The following SLC25A47 variants were observed in gnomAD, a reference collection of about 807,000 sequenced individuals.
SLC25A47 encodes the protein HCC-down-regulated mitochondrial carrier protein.
A neutral mutation model predicts 29.8 loss-of-function variants in SLC25A47; 30 were observed. That is an observed-to-expected ratio of 1.01 (90% confidence interval 0.75 to 1.36). The LOEUF is 1.36. Among genes scored for constraint, SLC25A47 ranks in the 40% most tolerant of loss-of-function variants. The pLI, the probability that SLC25A47 is intolerant of heterozygous loss-of-function variation, is 0.00. For synonymous variants in SLC25A47, 204 were observed against 197.8 expected (o/e 1.03, Z -0.26); for missense variants, 430 against 441.9 (o/e 0.97, Z 0.24).
Position 100,327,218 on chromosome 14 carries a change from C to G in SLC25A47, c.175C>G (p.Pro59Ala). 6.2e-7 allele frequency: 1 copy of G among 1,609,214 alleles called. No individual in the cohort carries two copies. The highest frequency in any genetic ancestry group is 8.5e-7 in the Non-Finnish European group (1 of 1,179,368). ...VWGFYRGLSLPVCTVSLVSSV... is the reference protein window; with the variant it reads ...VWGFYRGLSLAVCTVSLVSSV... Reference sequence around the variant, plus strand: ...GGGCTTCTACCGGGGCCTCTCGCTGCCCGTGTGCACGGTGTCCCTGGTATC... The same window carrying G: ...GGGCTTCTACCGGGGCCTCTCGCTGGCCGTGTGCACGGTGTCCCTGGTATC... The change falls in exon 4 of 6, where the codon CCC becomes GCC. Residue 59 changes from proline (P) to alanine (A), a missense_variant. Coordinates refer to ENST00000361529, the MANE Select transcript of SLC25A47 (RefSeq NM_207117.4).
At position 100,329,927 on chromosome 14, in the gene SLC25A47, C is replaced by T. The variant is rs926934791; in HGVS notation, c.*282C>T. ...ATGAGAGCGTTGAGTTGCATGGAGTCGGTTGTTCATCCCAGCCTCCCCATG... is the reference window on the plus strand; with the variant it reads ...ATGAGAGCGTTGAGTTGCATGGAGTTGGTTGTTCATCCCAGCCTCCCCATG... On this transcript the variant is annotated 3_prime_UTR_variant, in exon 6 of 6. Coordinates refer to ENST00000361529, the MANE Select transcript of SLC25A47 (RefSeq NM_207117.4). The T allele has an allele frequency of 1.0e-5, 5 of 489,234 alleles. No homozygotes were observed. The highest frequency in any genetic ancestry group is 7.7e-5 in the African/African-American group (4 of 51,710). The allele number at this position is 489,234 out of a possible 1,614,324, so 30.3% of individuals were successfully genotyped here. A position where few individuals can be genotyped will look rare whatever the true frequency, so the allele number is the denominator to read the frequency against.
At chr14:100,327,849 G>A (rs565841807) in intron 4 of SLC25A47, among the ~76,000 whole-genome samples, 14 of 152,360 alleles carry the variant, frequency 9.2e-5, no homozygotes, top group Admixed American at 3.9e-4. Context: ...TTCGCACTTG[G>A]TGACAGCACG....
In SLC25A47 at chr14:100,323,438, C is replaced by G. The variant is rs774802250; in HGVS notation, c.24C>G (p.Ile8Met). 6.2e-7 allele frequency: 1 copy of G among 1,613,780 alleles called. No individual in the cohort carries two copies. The highest frequency in any genetic ancestry group is 2.2e-5 in the East Asian group (1 of 44,868). The change falls in exon 1 of 6, where the codon ATC (isoleucine) becomes ATG (methionine). Residue 8 changes from isoleucine to methionine, a missense_variant. Physicochemically the swap from Ile to Met is conservative, Grantham distance 10 (BLOSUM62 1). Transcript: ENST00000361529. Reference sequence around the variant, plus strand: ...TCATGGATTTTGTCGCTGGAGCCATCGGAGGTAACAGACAGGATGGTGGGC... The same window carrying G: ...TCATGGATTTTGTCGCTGGAGCCATGGGAGGTAACAGACAGGATGGTGGGC... Reference protein sequence around the residue: MDFVAGAIGGVCGVAVGY... With the variant: MDFVAGAMGGVCGVAVGY...
chr14:100,328,618 G>A (rs1001931125), intron 4 of SLC25A47, 108 bp from the exon 5 acceptor site: 1 of 1,218,596 alleles, frequency 8.2e-7, no homozygotes, highest in Non-Finnish European at 1.2e-6. Flanking sequence ...GGGTCTCGGG[G>A]CCCAACCTCC....
chr14:100,325,856 C>A, intron 2 of SLC25A47, 25 bp downstream of exon 2: 1 of 1,607,762 alleles, frequency 6.2e-7, no homozygotes, highest in Non-Finnish European at 8.5e-7. Flanking sequence ...AGCCCCCCAA[C>A]CATCCTAAGG....
At chr14:100,327,072 G>A (rs1393583738) in intron 3 of SLC25A47, 116 bp from the exon 4 acceptor site, 11 of 1,021,298 alleles carry the variant, frequency 1.1e-5, no homozygotes, top group Admixed American at 2.5e-5. Flanking sequence ...CCCTGAGGCC[G>A]TGAATGACCT....
intron 1 of SLC25A47, among the ~76,000 whole-genome samples, chr14:100,324,079 G>A (rs1893295629): frequency 6.6e-6 from 1 of 152,140 alleles, no homozygotes; most frequent in African/African-American, 2.4e-5. Flanking sequence ...TGTGGGGGCT[G>A]TTCTGAGTGG....
chr14:100,327,484 C>A, intron 4 of SLC25A47, 114 bp downstream of exon 4: 1 of 1,199,888 alleles, frequency 8.3e-7, no homozygotes, highest in Non-Finnish European at 1.1e-6. Flanking sequence ...CACTGGAGGC[C>A]ATGCATGGAG....
At chr14:100,329,256 T>G in intron 5 of SLC25A47, 109 bp from the exon 6 acceptor site, 1 of 1,373,172 alleles carries the variant, frequency 7.3e-7, no homozygotes, top group South Asian at 1.4e-5. Flanking sequence ...CCCATTCCCC[T>G]CTCCCAAGCC....
rs369616845 is a variant in SLC25A47 at position 100,329,513 on chromosome 14, C to A, written c.795C>A (p.Ser265Arg). 9.9e-6 allele frequency: 16 copies of A among 1,613,438 alleles called. No individual in the cohort carries two copies. The highest frequency in any genetic ancestry group is 9.3e-6 in the Non-Finnish European group (11 of 1,180,000). ...YRGLLHCMVT[S>R]VREEGPRVLF... ...GTCTCCTGCACTGTATGGTGACCAGCGTTCGAGAGGAGGGACCCCGGGTCC... is the reference window on the plus strand; with the variant it reads ...GTCTCCTGCACTGTATGGTGACCAGAGTTCGAGAGGAGGGACCCCGGGTCC... Residue 265 changes from serine (S) to arginine (R), a missense_variant, in exon 6 of 6, where the codon AGC (serine) becomes AGA (arginine). Physicochemically the swap from Ser to Arg is moderately radical, Grantham distance 110 (BLOSUM62 -1). Coordinates refer to ENST00000361529, the MANE Select transcript of SLC25A47 (RefSeq NM_207117.4).
Position 100,328,876 on chromosome 14 carries a change from C to G in SLC25A47, c.478C>G (p.Arg160Gly), listed in dbSNP as rs375726722. Reference sequence around the variant, plus strand: ...CCCAGCCTGCCCAGAGCCCAAGTACCGCGGGCCACTGCACTGCCTGGCCAC... The same window carrying G: ...CCCAGCCTGCCCAGAGCCCAAGTACGGCGGGCCACTGCACTGCCTGGCCAC... ...VPPACPEPKY[R>G]GPLHCLATVA... Residue 160 changes from arginine to glycine, a missense_variant, in exon 5 of 6, where the codon CGC becomes GGC. Arg to Gly is a moderately radical substitution (Grantham distance 125). Transcript: ENST00000361529. 4 of 1,611,964 alleles carry G rather than the reference C, an allele frequency of 2.5e-6. No homozygotes were observed. Among genetic ancestry groups the G allele is most frequent in the Non-Finnish European group, 8.5e-7 (1 of 1,179,758 alleles).
chr14:100,325,539 C>T lies in SLC25A47; in HGVS notation c.29-249C>T, dbSNP rs145931127. Reference sequence around the variant, plus strand: ...CAAGGCAGCGAGGACGAGGCAGTCCCGGGCCAGGACTCAGGGAAGGGGAAC... The same window carrying T: ...CAAGGCAGCGAGGACGAGGCAGTCCTGGGCCAGGACTCAGGGAAGGGGAAC... On this transcript the variant is annotated intron_variant, in intron 1 of 5. Transcript: ENST00000361529. Among the ~76,000 whole-genome samples the T allele has an allele frequency of 2.7e-3, 408 of 152,296 alleles. 3 individuals carry two copies. In the East Asian group the frequency reaches 0.033, roughly 12 times the overall value.
intron 1 of SLC25A47, 120 bp from the exon 2 acceptor site, chr14:100,325,656 CAGAAGGGCCAAA>C: frequency 1.2e-6 from 1 of 862,568 alleles, no homozygotes; most frequent in Non-Finnish European, 1.8e-6. Flanking sequence ...TGGTGCAGAC[CAGAAGGGCCAAA>C]TGTGGGTCTG....
At chr14:100,325,970 A>G (rs1193978598) in intron 2 of SLC25A47, 139 bp downstream of exon 2, 2 of 1,039,768 alleles carry the variant, frequency 1.9e-6, no homozygotes, top group African/African-American at 3.2e-5. Flanking sequence ...CCCTGGGACT[A>G]TGTCAGTCCC....
chr14:100,326,582 G>A (rs1302547673), intron 3 of SLC25A47, among the ~76,000 whole-genome samples: 5 of 152,156 alleles, frequency 3.3e-5, no homozygotes, highest in Non-Finnish European at 4.4e-5. Context: ...AGACCTGTCC[G>A]GAGCAGTACT....
chr14:100,326,609 C>T (rs1036323495), intron 3 of SLC25A47, among the ~76,000 whole-genome samples: 3 of 152,222 alleles, frequency 2.0e-5, no homozygotes, highest in African/African-American at 7.2e-5. Flanking sequence ...CATTCTCCTA[C>T]GTGGACTTGG....
Position 100,325,779 on chromosome 14 carries a change from T to G in SLC25A47, c.29-9T>G. On this transcript the variant is annotated splice_polypyrimidine_tract_variant and intron_variant, in intron 1 of 5. Coordinates refer to ENST00000361529, the MANE Select transcript of SLC25A47 (RefSeq NM_207117.4). ...CTCTCCTCACCGTGGGCCTCTTCTT[T>G]CCTTGCAGGCGTCTGCGGTGTTGCT... The G allele has an allele frequency of 1.9e-6, 3 of 1,612,806 alleles. No individual in the cohort carries two copies. The highest frequency in any genetic ancestry group is 2.5e-6 in the Non-Finnish European group (3 of 1,179,370).
chr14:100,325,670 G>A (rs1397113627), intron 1 of SLC25A47, 118 bp from the exon 2 acceptor site: 7 of 1,014,316 alleles, frequency 6.9e-6, no homozygotes, highest in African/African-American at 1.6e-5. Flanking sequence ...AGGGCCAAAT[G>A]TGGGTCTGCC....
intron 5 of SLC25A47, 39 bp from the exon 6 acceptor site, chr14:100,329,326 G>T (rs10147903): frequency 1.3e-6 from 2 of 1,550,548 alleles, no homozygotes; most frequent in African/African-American, 1.4e-5. Flanking sequence ...TGGGCGCCCC[G>T]ATCAGGCTCC....
Sources: allele counts gnomAD v4.1 joint callset (sites outside exome capture counted in the v4.1 genomes callset), GRCh38; gene constraint gnomAD v4.1.1; transcripts MANE v1.5; gene names NCBI Gene and HGNC (gene_info 2026-07-23, HGNC 2026-07-21).